SIAH3: variants seen among roughly 807,000 people sequenced by gnomAD.
SIAH3 encodes the protein seven in absentia homolog 3.
Under a neutral mutation model 12.6 loss-of-function variants are expected in SIAH3, and 9 were observed. The ratio of observed to expected loss-of-function variants is 0.72; its 90% CI spans 0.43 to 1.25. The LOEUF is 1.25. SIAH3 is among the 50% of genes most tolerant of loss of function. The pLI is 0.00. For synonymous variants in SIAH3, 154 were observed against 151.1 expected, an observed-to-expected ratio of 1.02 and a Z score of -0.14; for missense variants, 390 against 365.4, an observed-to-expected ratio of 1.07 and a Z score of -0.55.
chr13:45,780,934 T>C lies in SIAH3; in HGVS notation c.*2449A>G, dbSNP rs2137544577. ...TACAAACTGCTGGTACCATTTCCTATTCCCAATTCTTGGTTGTTAGTTTGC... is the reference window on the plus strand; with the variant it reads ...TACAAACTGCTGGTACCATTTCCTACTCCCAATTCTTGGTTGTTAGTTTGC... On this transcript the variant is annotated 3_prime_UTR_variant, in exon 2 of 2. Coordinates refer to ENST00000400405, the MANE Select transcript of SIAH3 (RefSeq NM_198849.3). The C allele has an allele frequency of 6.6e-6, 1 of 152,382 alleles. No individual in the cohort carries two copies. Among genetic ancestry groups the C allele is most frequent in the South Asian group, 2.1e-4 (1 of 4,826 alleles). The allele number at this position is 152,382 out of a possible 1,614,324, so 9.4% of individuals were successfully genotyped here.
chr13:45,791,328 G>T (rs1010082596), intron 1 of SIAH3, among the ~76,000 whole-genome samples: 3 of 152,164 alleles, frequency 2.0e-5, no homozygotes, highest in South Asian at 4.1e-4. Flanking sequence ...TTGGGTTAGT[G>T]CAAAAGTAAT....
At chr13:45,822,671 T>G (rs1950660497) in intron 1 of SIAH3, among the ~76,000 whole-genome samples, 1 of 150,970 alleles carries the variant, frequency 6.6e-6, no homozygotes, top group Non-Finnish European at 1.5e-5. Context: ...ATGAACTTAT[T>G]TTTTATATCA....
intron 1 of SIAH3, among the ~76,000 whole-genome samples, chr13:45,842,948 G>A (rs909669031): frequency 3.3e-5 from 5 of 151,906 alleles, no homozygotes; most frequent in African/African-American, 7.3e-5. Flanking sequence ...ACTGGGCTTC[G>A]CATCCTGTGA....
intron 1 of SIAH3, among the ~76,000 whole-genome samples, chr13:45,811,667 A>G (rs772408660): frequency 6.6e-6 from 1 of 152,184 alleles, no homozygotes; most frequent in Non-Finnish European, 1.5e-5. Flanking sequence ...TGAAACTCAC[A>G]GATGATATTT....
chr13:45,820,234 C>T (rs1261730247), intron 1 of SIAH3, among the ~76,000 whole-genome samples: 3 of 152,164 alleles, frequency 2.0e-5, no homozygotes, highest in African/African-American at 4.8e-5. Flanking sequence ...CACAGCACCA[C>T]GAGCGAACCC....
At chr13:45,843,034 C>CGTGTG (rs1555260000) in intron 1 of SIAH3, among the ~76,000 whole-genome samples, 1 of 139,188 alleles carries the variant, frequency 7.2e-6, no homozygotes, top group Admixed American at 7.6e-5. Flanking sequence ...CTCTCTCTCT[C>CGTGTG]TGTGTGTGTG....
chr13:45,790,956 C>T (rs778295466), intron 1 of SIAH3, among the ~76,000 whole-genome samples: 47 of 152,208 alleles, frequency 3.1e-4, no homozygotes, highest in East Asian at 1.7e-3. Context: ...CTGAGATGGG[C>T]GGATCACTTG....
At chr13:45,836,096 C>A (rs548610028) in intron 1 of SIAH3, among the ~76,000 whole-genome samples, 1 of 152,070 alleles carries the variant, frequency 6.6e-6, no homozygotes, top group Non-Finnish European at 1.5e-5. Context: ...CAAGTGAATG[C>A]GTAGAGTGGA....
chr13:45,784,375 A>G (rs1029208710), intron 1 of SIAH3, among the ~76,000 whole-genome samples: 1 of 149,146 alleles, frequency 6.7e-6, no homozygotes, highest in Non-Finnish European at 1.5e-5. Flanking sequence ...GATGGTCATC[A>G]ATCACAAAGA....
At chr13:45,785,414 A>G (rs1950524692) in intron 1 of SIAH3, among the ~76,000 whole-genome samples, 1 of 152,114 alleles carries the variant, frequency 6.6e-6, no homozygotes, top group African/African-American at 2.4e-5. Context: ...TACAGAGGGC[A>G]GGGGTGAAGG....
Position 45,783,288 on chromosome 13 carries a change from A to C in SIAH3, c.*95T>G. 1 of 793,544 alleles carries C rather than the reference A, an allele frequency of 1.3e-6. No individual in the cohort carries two copies. The highest frequency in any genetic ancestry group is 2.9e-5 in the East Asian group (1 of 34,340). 49.2% of individuals were successfully genotyped at this position (793,544 alleles called of 1,614,324 possible). A position where few individuals can be genotyped will look rare whatever the true frequency, so the allele number is the denominator to read the frequency against. On this transcript the variant is annotated 3_prime_UTR_variant, in exon 2 of 2. Coordinates refer to ENST00000400405, the MANE Select transcript of SIAH3 (RefSeq NM_198849.3). ...TAAAAATTAAAAAAAAAAAAAAGAA[A>C]GGAGAAGAATAAAAAGGAGTCTGGA...
intron 1 of SIAH3, among the ~76,000 whole-genome samples, chr13:45,809,984 A>G: frequency 6.6e-6 from 1 of 152,240 alleles, no homozygotes; most frequent in East Asian, 1.9e-4. Context: ...CCCAGGCAGA[A>G]GCTTGTCACG....
chr13:45,802,560 T>G (rs570628307), intron 1 of SIAH3, among the ~76,000 whole-genome samples: 70 of 152,288 alleles, frequency 4.6e-4, no homozygotes, highest in African/African-American at 1.6e-3. Flanking sequence ...TCCCAGACAC[T>G]AGGGAGCTAC....
rs755117314 is a variant in SIAH3, at chr13:45,783,368, C to G, written c.*15G>C. ...CCTAGGGAGGCTGTGTGGGGAGCAT[C>G]CGTGGCTCCTGGCCTCACATTTCAG... On this transcript the variant is annotated 3_prime_UTR_variant, in exon 2 of 2. Coordinates refer to ENST00000400405, the MANE Select transcript of SIAH3 (RefSeq NM_198849.3). 6 of 1,596,556 alleles carry G rather than the reference C, an allele frequency of 3.8e-6. No homozygotes were observed. The highest frequency in any genetic ancestry group is 1.1e-5 in the South Asian group (1 of 89,174).
chr13:45,787,907 AC>A (rs2137549496), intron 1 of SIAH3, among the ~76,000 whole-genome samples: 1 of 152,272 alleles, frequency 6.6e-6, no homozygotes, highest in South Asian at 2.1e-4. Context: ...CCCTTGTCCA[AC>A]CAGCAGACCC....
chr13:45,820,571 T>C (rs756834054), intron 1 of SIAH3, among the ~76,000 whole-genome samples: 9 of 152,226 alleles, frequency 5.9e-5, no homozygotes, highest in Non-Finnish European at 7.3e-5. Context: ...AGACATATGG[T>C]ACGGTGTGGG....
intron 1 of SIAH3, among the ~76,000 whole-genome samples, chr13:45,834,774 C>G (rs1417861466): frequency 6.6e-6 from 1 of 152,170 alleles, no homozygotes; most frequent in African/African-American, 2.4e-5. Context: ...GCAGGAGGAA[C>G]TCCTGAGTTC....
intron 1 of SIAH3, among the ~76,000 whole-genome samples, chr13:45,829,821 C>A (rs1950691964): frequency 1.3e-5 from 2 of 152,094 alleles, no homozygotes; most frequent in South Asian, 4.2e-4. Context: ...AATCTCACTC[C>A]TATTTAGGGC....
chr13:45,799,590 C>G (rs543940632), intron 1 of SIAH3, among the ~76,000 whole-genome samples: 1 of 152,280 alleles, frequency 6.6e-6, no homozygotes, highest in Admixed American at 6.5e-5. Context: ...GACACTGGAG[C>G]TCAGGATGGA....
Sources: allele counts gnomAD v4.1 joint callset (sites outside exome capture counted in the v4.1 genomes callset), GRCh38; gene constraint gnomAD v4.1.1; transcripts MANE v1.5; gene names NCBI Gene and HGNC (gene_info 2026-07-23, HGNC 2026-07-21).